The following SWAP70 variants were observed in gnomAD, a reference collection of about 807,000 sequenced individuals.
The protein encoded by SWAP70 is switch-associated protein 70.
A neutral mutation model predicts 80.2 loss-of-function variants in SWAP70; 34 were observed. The ratio of observed to expected loss-of-function variants is 0.42; its 90% CI spans 0.32 to 0.56. The LOEUF (loss-of-function observed/expected upper bound fraction) is 0.56, where lower values mean the gene tolerates loss of function less well. Among genes scored for constraint, SWAP70 ranks in the 20% least tolerant of loss-of-function variants. SWAP70 has a pLI of 0.09. For synonymous variants in SWAP70, 239 were observed against 238.5 expected (o/e 1.00, Z -0.02); for missense variants, 578 against 690.7 (o/e 0.84, Z 1.83).
intron 3 of SWAP70, chr11:9,720,338 T>G: frequency 8.1e-6 from 8 of 985,430 alleles, no homozygotes; most frequent in Non-Finnish European, 8.4e-6. Flanking sequence ...GAGGGCACCT[T>G]CAGAAAGGTT....
In SWAP70 at chr11:9,752,500, G is replaced by A. The variant is rs980429088; in HGVS notation, c.*2530G>A. ...CTAGGAGGCAATATCCTTTTAAACA[G>A]TGCTTTGGCTAAGATAGATACTTGT... On this transcript the variant is annotated 3_prime_UTR_variant, in exon 12 of 12. Transcript: ENST00000318950. The A allele has an allele frequency of 6.6e-6, 1 of 152,250 alleles. No homozygotes were observed. The highest frequency in any genetic ancestry group is 2.4e-5 in the African/African-American group (1 of 41,462). The allele number at this position is 152,250 out of a possible 1,614,324, so 9.4% of individuals were successfully genotyped here.
At chr11:9,718,782 G>T (rs1462860123) in intron 3 of SWAP70, among the ~76,000 whole-genome samples, 1 of 133,414 alleles carries the variant, frequency 7.5e-6, no homozygotes, top group African/African-American at 2.8e-5. Context: ...TTTTAAGAAA[G>T]ATTTTTTTTT....
At chr11:9,668,267 A>T (rs1850333374) in intron 1 of SWAP70, among the ~76,000 whole-genome samples, 1 of 152,236 alleles carries the variant, frequency 6.6e-6, no homozygotes, top group African/African-American at 2.4e-5. Flanking sequence ...TTTTTGGATT[A>T]CTTTGATGAT....
Position 9,671,535 on chromosome 11 carries a change from T to C in SWAP70, c.99+7257T>C, listed in dbSNP as rs1440603910. Among the ~76,000 whole-genome samples, 5 of 24,448 alleles carry C rather than the reference T, an allele frequency of 2.0e-4. 1 individual carries two copies. Among genetic ancestry groups the C allele is most frequent in the African/African-American group, 3.1e-4 (4 of 12,904 alleles). The allele number at this position is 24,448 out of a possible 152,430, so 16.0% of individuals were successfully genotyped here. On this transcript the variant is annotated intron_variant, in intron 1 of 11. Transcript: ENST00000318950. The stretch of plus-strand genomic sequence containing the variant: ...AAATATATATATAAATATATAAATA[T>C]ATAGAAATATATAGAAATATATATA...
At chr11:9,728,926 GCCACAA>G (rs1475289952) in intron 5 of SWAP70, among the ~76,000 whole-genome samples, 8 of 152,174 alleles carry the variant, frequency 5.3e-5, no homozygotes, top group Non-Finnish European at 1.2e-4. Flanking sequence ...CGGGTTGCCA[GCCACAA>G]CATTCCAAGT....
chr11:9,695,538 C>T lies in SWAP70; in HGVS notation c.240+1252C>T, dbSNP rs367706654. Reference sequence around the variant, plus strand: ...CACAGTAACAGAAAACCAGACACCACGTGTTCTCACTCCTAAGTGGGAGTT... The same window carrying T: ...CACAGTAACAGAAAACCAGACACCATGTGTTCTCACTCCTAAGTGGGAGTT... On this transcript the variant is annotated intron_variant, in intron 2 of 11. Coordinates refer to ENST00000318950, the MANE Select transcript of SWAP70 (RefSeq NM_015055.4). Among the ~76,000 whole-genome samples, 279 of 148,872 alleles carry T rather than the reference C, an allele frequency of 1.9e-3. 1 individual carries two copies. Among genetic ancestry groups the T allele is most frequent in the African/African-American group, 6.2e-3 (252 of 40,334 alleles).
intron 3 of SWAP70, among the ~76,000 whole-genome samples, chr11:9,718,730 T>C (rs1223884545): frequency 2.0e-5 from 3 of 152,218 alleles, no homozygotes; most frequent in Non-Finnish European, 4.4e-5. Flanking sequence ...TTTCCAATAA[T>C]CCACTTACCG....
intron 2 of SWAP70, among the ~76,000 whole-genome samples, chr11:9,710,548 G>C (rs11042483): frequency 0.33 from 49,596 of 151,832 alleles, 8,345 homozygotes; most frequent in Non-Finnish European, 0.35. Context: ...TTCATATAGT[G>C]AAAAAATGGT....
At chr11:9,746,673 G>A (rs747633552) in intron 9 of SWAP70, among the ~76,000 whole-genome samples, 36 of 152,368 alleles carry the variant, frequency 2.4e-4, no homozygotes, top group African/African-American at 7.9e-4. Context: ...TTCCAGTTGC[G>A]AAAGGGCTAT....
At chr11:9,688,574 G>C (rs1850659267) in intron 1 of SWAP70, among the ~76,000 whole-genome samples, 1 of 152,152 alleles carries the variant, frequency 6.6e-6, no homozygotes, top group African/African-American at 2.4e-5. Flanking sequence ...CTGGCCTGTG[G>C]AGTGACTTAA....
intron 2 of SWAP70, among the ~76,000 whole-genome samples, chr11:9,711,870 A>C (rs1851003061): frequency 6.6e-6 from 1 of 152,100 alleles, no homozygotes; most frequent in African/African-American, 2.4e-5. Flanking sequence ...TGTTACTTGC[A>C]CTTACACGAA....
At position 9,713,513 on chromosome 11, in the gene SWAP70, C is replaced by A. The variant is rs748097996; in HGVS notation, c.288C>A (p.Thr96=). 5.4e-5 allele frequency: 87 copies of A among 1,613,588 alleles called. No individual in the cohort carries two copies. In the East Asian group the frequency reaches 1.7e-3, roughly 32 times the overall value. Residue 96 remains threonine, a synonymous_variant, in exon 3 of 12, where the codon ACC becomes ACA. Transcript: ENST00000318950. The part of the protein sequence containing the change: ...DKIEFNRMCW[T]LCVKKNLTKN... ...TTGAATTCAATAGGATGTGTTGGAC[C>A]CTCTGTGTCAAAAAAAACCTCACAA... is the stretch of plus-strand genomic sequence containing the variant.
At chr11:9,695,820 G>A (rs1010190749) in intron 2 of SWAP70, among the ~76,000 whole-genome samples, 2 of 151,306 alleles carry the variant, frequency 1.3e-5, no homozygotes, top group South Asian at 4.2e-4. Context: ...TTTTTTGAGG[G>A]GTCTCATCCT....
At chr11:9,724,915 C>G in intron 4 of SWAP70, 30 bp downstream of exon 4, 1 of 1,378,050 alleles carries the variant, frequency 7.3e-7, no homozygotes, top group South Asian at 1.2e-5. Flanking sequence ...TTTTTTTTCT[C>G]ATCTTTAGAA....
At chr11:9,678,731 A>G (rs981874874) in intron 1 of SWAP70, among the ~76,000 whole-genome samples, 1 of 151,946 alleles carries the variant, frequency 6.6e-6, no homozygotes, top group Non-Finnish European at 1.5e-5. Flanking sequence ...TCTCCCAGGT[A>G]CTCAGCATGC....
Position 9,729,525 on chromosome 11 carries a change from G to C in SWAP70, c.898+74G>C, listed in dbSNP as rs1851268933. On this transcript the variant is annotated intron_variant, in intron 6 of 11. Transcript: ENST00000318950. ...CTTTCTTTTTTTTTTCTGAGACGGA[G>C]TCTTGCTCTGTTGCCCGGGCTGTAG... The C allele has an allele frequency of 2.6e-6, 3 of 1,135,996 alleles. No individual in the cohort carries two copies. The African/African-American group carries it at 4.7e-5, about 18-fold the overall frequency. 70.4% of individuals were successfully genotyped at this position (1,135,996 alleles called of 1,614,324 possible).
At chr11:9,665,020 G>A (rs1850291717) in intron 1 of SWAP70, among the ~76,000 whole-genome samples, 1 of 152,148 alleles carries the variant, frequency 6.6e-6, no homozygotes, top group Non-Finnish European at 1.5e-5. Context: ...AGAGTATAGG[G>A]TATAAATAAA....
intron 1 of SWAP70, among the ~76,000 whole-genome samples, chr11:9,671,375 A>AATAAAAATATATAAATATATATAAATAT (rs1850380484): frequency 8.9e-6 from 1 of 111,988 alleles, no homozygotes; most frequent in Non-Finnish European, 1.6e-5. Flanking sequence ...ATAAAATAAA[A>AATAAAAATATATAAATATATATAAATAT]ATAAAAATAT....
Position 9,732,561 on chromosome 11 carries a change from G to T in SWAP70, c.931G>T (p.Gly311Cys), listed in dbSNP as rs372544640. 6.2e-7 allele frequency: 1 copy of T among 1,606,680 alleles called. No individual in the cohort carries two copies. Among genetic ancestry groups the T allele is most frequent in the African/African-American group, 1.3e-5 (1 of 74,566 alleles). Residue 311 changes from glycine to cysteine, a missense_variant, in exon 7 of 12, where the codon GGC becomes TGC. Transcript: ENST00000318950. ...IHSTIHLLKL[G>C]SPPPHKEARQ... is the part of the protein sequence containing the mutation. ...TTCTACTATTCATCTGTTGAAGCTGGGCAGCCCTCCACCACACAAAGAAGC... is the reference window on the plus strand; with the variant it reads ...TTCTACTATTCATCTGTTGAAGCTGTGCAGCCCTCCACCACACAAAGAAGC...
Sources: gnomAD v4.1 joint callset for allele counts (sites outside exome capture counted in the v4.1 genomes callset) on GRCh38, gnomAD v4.1.1 for gene constraint, MANE v1.5 for transcripts, NCBI Gene and HGNC (gene_info 2026-07-23, HGNC 2026-07-21) for gene names.